Variants in LRFN2 observed in about 807,000 individuals in gnomAD.
LRFN2 encodes leucine-rich repeat and fibronectin type-III domain-containing protein 2.
A neutral mutation model predicts 37.3 loss-of-function variants in LRFN2; 18 were observed. The observed-to-expected ratio is 0.48, with a 90% CI of 0.33 to 0.72. The LOEUF (loss-of-function observed/expected upper bound fraction) is 0.72. Among genes scored for constraint, LRFN2 ranks in the 30% least tolerant of loss-of-function variants. The pLI, the probability that LRFN2 is intolerant of heterozygous loss-of-function variation, is 0.02. For missense variants in LRFN2, 1,006 were observed against 1,060.7 expected, an observed-to-expected ratio of 0.95 and a Z score of 0.72; for synonymous variants, 556 against 466.6, an observed-to-expected ratio of 1.19 and a Z score of -2.47.
At chr6:40,438,518 C>T (rs780857680) in intron 1 of LRFN2, among the ~76,000 whole-genome samples, 9 of 152,156 alleles carry the variant, frequency 5.9e-5, no homozygotes, top group Admixed American at 1.3e-4. Flanking sequence ...TTTGAGCCTG[C>T]CTAAACTACC....
chr6:40,557,964 C>G (rs1766921721), intron 1 of LRFN2, among the ~76,000 whole-genome samples: 2 of 152,138 alleles, frequency 1.3e-5, no homozygotes, highest in South Asian at 4.1e-4. Flanking sequence ...TTTGCTGTTA[C>G]CTGGTTTCTA....
chr6:40,460,578 G>T (rs1000217436), intron 1 of LRFN2, among the ~76,000 whole-genome samples: 1 of 152,180 alleles, frequency 6.6e-6, no homozygotes, highest in African/African-American at 2.4e-5. Flanking sequence ...CATAATAAAT[G>T]CCAATTATCC....
At chr6:40,467,415 A>C (rs1764495371) in intron 1 of LRFN2, among the ~76,000 whole-genome samples, 1 of 152,036 alleles carries the variant, frequency 6.6e-6, no homozygotes, top group African/African-American at 2.4e-5. Flanking sequence ...GCCAAGACCT[A>C]AATCAGAGGA....
At chr6:40,573,296 G>A (rs945147936) in intron 1 of LRFN2, among the ~76,000 whole-genome samples, 11 of 152,234 alleles carry the variant, frequency 7.2e-5, no homozygotes, top group African/African-American at 2.4e-4. Context: ...GAAAGGATAG[G>A]AGGCAAGCTG....
At chr6:40,534,394 C>A (rs1214463231) in intron 1 of LRFN2, among the ~76,000 whole-genome samples, 1 of 152,080 alleles carries the variant, frequency 6.6e-6, no homozygotes, top group Non-Finnish European at 1.5e-5. Context: ...TCCCCAGACC[C>A]TGAGACCCCC....
intron 1 of LRFN2, among the ~76,000 whole-genome samples, chr6:40,512,605 T>C (rs989193154): frequency 3.9e-5 from 6 of 152,188 alleles, no homozygotes; most frequent in African/African-American, 1.4e-4. Context: ...TTTAGCCTAA[T>C]GGATTCCCTC....
chr6:40,466,650 A>G (rs1393180991), intron 1 of LRFN2, among the ~76,000 whole-genome samples: 2 of 152,106 alleles, frequency 1.3e-5, no homozygotes, highest in African/African-American at 4.8e-5. Flanking sequence ...TGGTGCTCCA[A>G]TCCACTTCCA....
At chr6:40,562,120 C>T (rs1264375069) in intron 1 of LRFN2, among the ~76,000 whole-genome samples, 1 of 152,162 alleles carries the variant, frequency 6.6e-6, no homozygotes, top group East Asian at 1.9e-4. Flanking sequence ...AGAGAAGGAT[C>T]ATTTAAAAAT....
intron 2 of LRFN2, among the ~76,000 whole-genome samples, chr6:40,403,619 T>C (rs559016542): frequency 7.8e-4 from 119 of 152,234 alleles, no homozygotes; most frequent in Admixed American, 2.3e-3. Context: ...ATTGCCTCAA[T>C]CCTCAGGTGT....
chr6:40,446,181 A>C (rs1051312114), intron 1 of LRFN2, among the ~76,000 whole-genome samples: 1 of 152,236 alleles, frequency 6.6e-6, no homozygotes, highest in Non-Finnish European at 1.5e-5. Context: ...ACTAGGGAGC[A>C]ATAATCAAAT....
At chr6:40,514,632 A>G (rs965320440) in intron 1 of LRFN2, among the ~76,000 whole-genome samples, 12 of 152,214 alleles carry the variant, frequency 7.9e-5, no homozygotes, top group Admixed American at 4.6e-4. Context: ...ACATGTGACT[A>G]GGTAAATCAG....
At chr6:40,480,319 C>A (rs147685361) in intron 1 of LRFN2, among the ~76,000 whole-genome samples, 44 of 152,154 alleles carry the variant, frequency 2.9e-4, no homozygotes, top group African/African-American at 1.0e-3. Flanking sequence ...GCTCTTTCAC[C>A]CAGACTGCAG....
chr6:40,552,151 G>A (rs1445775194), intron 1 of LRFN2, among the ~76,000 whole-genome samples: 1 of 152,240 alleles, frequency 6.6e-6, no homozygotes, highest in Middle Eastern at 3.4e-3. Context: ...CAAATTCGCA[G>A]GTCCCACTCC....
At chr6:40,509,307 C>A (rs1314736917) in intron 1 of LRFN2, among the ~76,000 whole-genome samples, 1 of 152,274 alleles carries the variant, frequency 6.6e-6, no homozygotes, top group South Asian at 2.1e-4. Flanking sequence ...AGAGCATGGG[C>A]TCTGTGTCTA....
chr6:40,422,075 T>TA (rs1053906798), intron 2 of LRFN2, among the ~76,000 whole-genome samples: 26 of 151,980 alleles, frequency 1.7e-4, no homozygotes, highest in Non-Finnish European at 2.1e-4. Context: ...AGCTGAGGGG[T>TA]AAAAAAAATG....
intron 2 of LRFN2, among the ~76,000 whole-genome samples, chr6:40,429,797 T>A (rs1763437039): frequency 6.6e-6 from 1 of 152,216 alleles, no homozygotes; most frequent in Non-Finnish European, 1.5e-5. Flanking sequence ...GAATGTTCCA[T>A]AATAGGAGAT....
At chr6:40,473,634 G>A (rs1288008538) in intron 1 of LRFN2, among the ~76,000 whole-genome samples, 8 of 152,118 alleles carry the variant, frequency 5.3e-5, no homozygotes, top group Non-Finnish European at 1.2e-4. Flanking sequence ...TGTTACATAG[G>A]TATACATGTG....
intron 2 of LRFN2, among the ~76,000 whole-genome samples, chr6:40,398,425 C>T (rs12660122): frequency 6.6e-6 from 1 of 151,744 alleles, no homozygotes; most frequent in South Asian, 2.1e-4. Context: ...TGCTGCTGCT[C>T]TGCATGGCTG....
intron 1 of LRFN2, among the ~76,000 whole-genome samples, chr6:40,513,381 A>C (rs1436300970): frequency 1.3e-5 from 2 of 151,904 alleles, no homozygotes; most frequent in African/African-American, 4.8e-5. Flanking sequence ...TTACAGGTGC[A>C]TGCCACCACG....
Sources: gnomAD v4.1 joint callset for allele counts (sites outside exome capture counted in the v4.1 genomes callset) on GRCh38, gnomAD v4.1.1 for gene constraint, MANE v1.5 for transcripts, NCBI Gene and HGNC (gene_info 2026-07-23, HGNC 2026-07-21) for gene names.